UIMC1: variants seen among roughly 807,000 people sequenced by gnomAD.
The protein encoded by UIMC1 is ubiquitin interaction motif containing 1, also known as BRCA1-A complex subunit RAP80.
In UIMC1, 42 loss-of-function variants were observed where a neutral mutation model predicts 84.9. The ratio of observed to expected loss-of-function variants is 0.49; its 90% CI spans 0.39 to 0.64. The LOEUF is 0.64. Among genes scored for constraint, UIMC1 ranks in the 30% least tolerant of loss-of-function variants. UIMC1 has a pLI of 0.00. For missense variants in UIMC1, 825 were observed against 847.6 expected, an observed-to-expected ratio of 0.97 and a Z score of 0.33; for synonymous variants, 281 against 293.0, an observed-to-expected ratio of 0.96 and a Z score of 0.42.
chr5:176,977,173 A>C (rs1269403698), intron 2 of UIMC1, among the ~76,000 whole-genome samples: 2 of 151,252 alleles, frequency 1.3e-5, no homozygotes, highest in Admixed American at 1.3e-4. Context: ...CAGTGAGCCA[A>C]GATCGCGCCA....
chr5:176,966,693 T>C (rs1339701594), intron 6 of UIMC1, among the ~76,000 whole-genome samples: 1 of 152,146 alleles, frequency 6.6e-6, no homozygotes, highest in Non-Finnish European at 1.5e-5. Context: ...AAACTAAATG[T>C]ACCAAGATGA....
intron 6 of UIMC1, among the ~76,000 whole-genome samples, chr5:176,966,045 C>G (rs1017474584): frequency 5.3e-5 from 8 of 152,146 alleles, no homozygotes; most frequent in Admixed American, 2.6e-4. Flanking sequence ...CTTAAAAATG[C>G]CTTCTTTGCT....
At position 176,914,044 on chromosome 5, in the gene UIMC1, T is replaced by TACCACACCAC. The variant is rs1554106274; in HGVS notation, c.1598-2656_1598-2655insGTGGTGTGGT. Among the ~76,000 whole-genome samples the TACCACACCAC allele has an allele frequency of 5.8e-4, 86 of 147,442 alleles. 1 individual carries two copies. The highest frequency in any genetic ancestry group is 6.9e-3 in the Middle Eastern group (2 of 288). ...ATACACCATACCATACCATACACCA[T>TACCACACCAC]ACCATACCATACCATACCATACCAT... On this transcript the variant is annotated intron_variant, in intron 10 of 14. Coordinates refer to ENST00000511320, the MANE Select transcript of UIMC1 (RefSeq NM_001199298.2).
At chr5:176,905,700 G>C in intron 14 of UIMC1, 1 of 651,084 alleles carries the variant, frequency 1.5e-6, no homozygotes, top group Admixed American at 3.1e-5. Flanking sequence ...TTGAGAGAAT[G>C]AGAACTGAGA....
At chr5:177,020,964 G>A (rs994143335) in intron 1 of UIMC1, among the ~76,000 whole-genome samples, 3 of 152,192 alleles carry the variant, frequency 2.0e-5, no homozygotes, top group Non-Finnish European at 4.4e-5. Flanking sequence ...ATTTCAAAGT[G>A]CTGGAGATTC....
chr5:176,999,380 A>AT (rs1309174589), intron 1 of UIMC1, among the ~76,000 whole-genome samples: 1 of 152,196 alleles, frequency 6.6e-6, no homozygotes, highest in Non-Finnish European at 1.5e-5. Context: ...TAAGGTATCC[A>AT]TCCCCTCAAG....
intron 10 of UIMC1, among the ~76,000 whole-genome samples, chr5:176,935,231 G>A (rs1432448081): frequency 6.6e-6 from 1 of 151,928 alleles, no homozygotes; most frequent in African/African-American, 2.4e-5. Context: ...CTTTCATAAT[G>A]CCCACACTAT....
At chr5:176,990,840 AT>A (rs200609413) in intron 1 of UIMC1, among the ~76,000 whole-genome samples, 2,754 of 147,492 alleles carry the variant, frequency 0.019, 37 homozygotes, top group African/African-American at 0.034. Context: ...CACTCAGCTA[AT>A]TTTTTTTTTT....
intron 7 of UIMC1, 31 bp from the exon 8 acceptor site, chr5:176,956,066 C>A: frequency 6.2e-7 from 1 of 1,606,884 alleles, no homozygotes; most frequent in Non-Finnish European, 8.5e-7. Context: ...AAATGAATTC[C>A]CAGTAAAATA....
chr5:176,912,308 A>G (rs1355297414), intron 10 of UIMC1, among the ~76,000 whole-genome samples: 1 of 152,198 alleles, frequency 6.6e-6, no homozygotes, highest in Non-Finnish European at 1.5e-5. Context: ...ACATAAACAA[A>G]TGAGTATGTT....
intron 1 of UIMC1, among the ~76,000 whole-genome samples, chr5:177,002,611 C>CTAA: frequency 6.6e-6 from 1 of 152,220 alleles, no homozygotes; most frequent in Non-Finnish European, 1.5e-5. Flanking sequence ...ACCATCCTGG[C>CTAA]TAACACGGTG....
chr5:176,975,220 A>C (rs1379427416), intron 3 of UIMC1, among the ~76,000 whole-genome samples, 176 bp downstream of exon 3: 2 of 152,198 alleles, frequency 1.3e-5, no homozygotes, highest in Non-Finnish European at 2.9e-5. Flanking sequence ...GATACAGGAA[A>C]CTGAAAAAAG....
intron 1 of UIMC1, among the ~76,000 whole-genome samples, chr5:176,997,090 A>G (rs1402397000): frequency 6.6e-6 from 1 of 152,218 alleles, no homozygotes; most frequent in South Asian, 2.1e-4. Context: ...GCAGACTTGA[A>G]AGCTAGTACA....
chr5:176,948,433 C>T (rs768257996), intron 9 of UIMC1, among the ~76,000 whole-genome samples: 1 of 152,188 alleles, frequency 6.6e-6, no homozygotes, highest in Non-Finnish European at 1.5e-5. Flanking sequence ...TCTAATTTCA[C>T]CTGCAAACCA....
At chr5:176,952,860 TA>T (rs970835121) in intron 8 of UIMC1, among the ~76,000 whole-genome samples, 75 of 151,472 alleles carry the variant, frequency 5.0e-4, no homozygotes, top group South Asian at 3.5e-3. Context: ...ATAACAACAA[TA>T]AAAAAAATAG....
intron 1 of UIMC1, among the ~76,000 whole-genome samples, chr5:176,993,694 G>A (rs1190392003): frequency 6.6e-6 from 1 of 152,038 alleles, no homozygotes; most frequent in Non-Finnish European, 1.5e-5. Flanking sequence ...ACTAATGTAT[G>A]TATTTTGTGT....
intron 10 of UIMC1, among the ~76,000 whole-genome samples, chr5:176,935,291 A>G (rs1763593115): frequency 6.6e-6 from 1 of 152,080 alleles, no homozygotes; most frequent in African/African-American, 2.4e-5. Flanking sequence ...ACATTTTTCT[A>G]TTTATGTGAT....
upstream of UIMC1, among the ~76,000 whole-genome samples, chr5:177,007,833 G>A (rs1317368758): frequency 6.6e-6 from 1 of 152,104 alleles, no homozygotes; most frequent in Non-Finnish European, 1.5e-5. Flanking sequence ...GGCCAGGCGT[G>A]GTGGATCACG....
At chr5:176,978,454 A>G (rs1052904860) in intron 2 of UIMC1, among the ~76,000 whole-genome samples, 7 of 152,192 alleles carry the variant, frequency 4.6e-5, no homozygotes, top group Non-Finnish European at 1.0e-4. Context: ...TATAAAACAA[A>G]TAATTCCTAT....
Sources: allele counts gnomAD v4.1 joint callset (sites outside exome capture counted in the v4.1 genomes callset), GRCh38; gene constraint gnomAD v4.1.1; transcripts MANE v1.5; gene names NCBI Gene and HGNC (gene_info 2026-07-23, HGNC 2026-07-21).